AHRR: variants seen among roughly 807,000 people sequenced by gnomAD.
AHRR encodes the protein aryl hydrocarbon receptor repressor.
AHRR carries 28 observed loss-of-function variants against 44.0 expected under a neutral mutation model. The observed-to-expected ratio is 0.64, with a 90% CI of 0.47 to 0.87. The LOEUF (loss-of-function observed/expected upper bound fraction) is 0.87, where lower values mean the gene tolerates loss of function less well. Ranked by LOEUF, AHRR falls within the 40% of genes least tolerant of loss-of-function variation. The pLI, the probability that AHRR is intolerant of heterozygous loss-of-function variation, is 0.00. For missense variants in AHRR, 990 were observed against 953.9 expected, an observed-to-expected ratio of 1.04 and a Z score of -0.50; for synonymous variants, 434 against 407.0, an observed-to-expected ratio of 1.07 and a Z score of -0.80.
intron 5 of AHRR, chr5:421,486 T>C (rs1579699470): frequency 4.1e-6 from 2 of 486,690 alleles, no homozygotes; most frequent in Non-Finnish European, 7.3e-6. Flanking sequence ...CCGCGGGGTG[T>C]TTTCTTGAAG....
rs892581025 is a variant in AHRR, at chr5:388,918, C to T, written c.351+12202C>T. On this transcript the variant is annotated intron_variant, in intron 4 of 10. Coordinates refer to ENST00000684583, the MANE Select transcript of AHRR (RefSeq NM_001377236.1). The surrounding 1 kb of genome is among the most constrained non-coding windows in gnomAD (Gnocchi z 5.2). The stretch of plus-strand genomic sequence containing the variant: ...GCGGAGGGTTTCCGCCGGTGCCTCG[C>T]ACAGGAGAGAAGATGGAGCCGAGTG... Among the ~76,000 whole-genome samples the T allele has an allele frequency of 2.0e-5, 3 of 152,126 alleles. No individual in the cohort carries two copies. The highest frequency in any genetic ancestry group is 4.4e-5 in the Non-Finnish European group (3 of 68,010).
intron 1 of AHRR, among the ~76,000 whole-genome samples, chr5:335,237 T>C (rs1345079784): frequency 6.6e-6 from 1 of 152,156 alleles, no homozygotes; most frequent in African/African-American, 2.4e-5. Context: ...GCAGGCTTCC[T>C]AGTTTTTGGG....
intron 7 of AHRR, 111 bp from the exon 8 acceptor site, chr5:427,695 GC>G: frequency 6.2e-7 from 1 of 1,613,980 alleles, no homozygotes; most frequent in South Asian, 1.1e-5. Flanking sequence ...CTCATGGTGA[GC>G]TGCCTCCCTA....
Position 348,738 on chromosome 5 carries a change from A to G in AHRR, c.62+4774A>G, listed in dbSNP as rs552790414. Among the ~76,000 whole-genome samples, 10 of 152,298 alleles carry G rather than the reference A, an allele frequency of 6.6e-5. 1 individual carries two copies. Among genetic ancestry groups the G allele is most frequent in the African/African-American group, 2.4e-4 (10 of 41,574 alleles). On this transcript the variant is annotated intron_variant, in intron 2 of 10. Transcript: ENST00000684583. ...TTGTATGGATAGACCAAGTCTGTTT[A>G]TTTACCTGTGGATGGAAGTTCAGGT...
intron 3 of AHRR, 58 bp from the exon 4 acceptor site, chr5:376,552 A>ACGCGGGGAAACACAGGAAGGATGT: frequency 7.2e-7 from 1 of 1,397,072 alleles, no homozygotes; most frequent in Non-Finnish European, 9.7e-7. Flanking sequence ...ATGTGAATGA[A>ACGCGGGGAAACACAGGAAGGATGT]GAAGAGTGGC....
intron 3 of AHRR, among the ~76,000 whole-genome samples, chr5:369,154 T>A (rs1231674549): frequency 3.3e-5 from 5 of 152,228 alleles, no homozygotes; most frequent in Non-Finnish European, 7.3e-5. Flanking sequence ...GACCCCCTTC[T>A]GACTTGCTGC....
intron 3 of AHRR, 43 bp from the exon 4 acceptor site, chr5:376,567 C>G: frequency 4.8e-6 from 1 of 208,218 alleles, no homozygotes; most frequent in Non-Finnish European, 8.3e-6. Flanking sequence ...AGTGGCCAGG[C>G]CAAGGGTTGG....
intron 4 of AHRR, among the ~76,000 whole-genome samples, chr5:379,150 G>T (rs940630696): frequency 2.0e-5 from 3 of 152,194 alleles, no homozygotes; most frequent in Non-Finnish European, 4.4e-5. Context: ...CATGGCCTTT[G>T]GAGGCCAGCT....
chr5:434,649 CG>C lies in AHRR; in HGVS notation c.1913del (p.Gly638AlafsTer128). The C allele has an allele frequency of 6.4e-7, 1 of 1,563,782 alleles. No homozygotes were observed. The highest frequency in any genetic ancestry group is 8.7e-7 in the Non-Finnish European group (1 of 1,154,160). ...GGAGCCTCCCCACCAGCTCTGTGCACGGGGCCGAGGTGAACAGTCCTGCACC... is the reference window on the plus strand; with the variant it reads ...GGAGCCTCCCCACCAGCTCTGTGCACGGGCCGAGGTGAACAGTCCTGCACC... ...QSEPPHQLCA[R>X]GRGEQSCTCR... On this transcript the variant is annotated frameshift_variant, in exon 11 of 11. Transcript: ENST00000684583.
At position 403,856 on chromosome 5, in the gene AHRR, ACAT is replaced by A. The variant is rs1735139196; in HGVS notation, c.352-9487_352-9485del. On this transcript the variant is annotated intron_variant, in intron 4 of 10. Coordinates refer to ENST00000684583, the MANE Select transcript of AHRR (RefSeq NM_001377236.1). Reference sequence around the variant, plus strand: ...TTTTTGCTCAAAGGACAAAGAACCCACATTAAAGCTTTTCCTCCTTGAACAGCT... The same window carrying A: ...TTTTTGCTCAAAGGACAAAGAACCCATAAAGCTTTTCCTCCTTGAACAGCT... 6 of 1,581,164 alleles carry A rather than the reference ACAT, an allele frequency of 3.8e-6. No homozygotes were observed. The East Asian group carries it at 1.3e-4, about 35-fold the overall frequency.
intron 1 of AHRR, among the ~76,000 whole-genome samples, chr5:335,189 C>T (rs761304764): frequency 4.6e-5 from 7 of 152,156 alleles, no homozygotes; most frequent in Non-Finnish European, 8.8e-5. Context: ...GTGGCTTTCT[C>T]AGAAGCTAGT....
chr5:366,477 T>G (rs1743364963), intron 3 of AHRR, among the ~76,000 whole-genome samples: 1 of 152,266 alleles, frequency 6.6e-6, no homozygotes, highest in Admixed American at 6.5e-5. Flanking sequence ...ACAGGCTAAT[T>G]AATGGCTATA....
intron 3 of AHRR, among the ~76,000 whole-genome samples, chr5:355,412 TC>T (rs1337958658): frequency 5.9e-5 from 9 of 152,108 alleles, no homozygotes; most frequent in African/African-American, 1.2e-4. Context: ...CAGAGGGCAG[TC>T]CCCGTGTCTG....
chr5:392,418 C>G (rs1231321820), intron 4 of AHRR, among the ~76,000 whole-genome samples: 1 of 114,058 alleles, frequency 8.8e-6, no homozygotes, highest in Non-Finnish European at 1.8e-5. Flanking sequence ...AGAGCGTGCA[C>G]GAACACACGG....
chr5:360,071 C>T (rs889900507), intron 3 of AHRR, among the ~76,000 whole-genome samples: 3 of 151,894 alleles, frequency 2.0e-5, no homozygotes, highest in African/African-American at 4.8e-5. Context: ...CCAGTGTGGC[C>T]GTATTTGTAG....
chr5:422,877 A>C lies in AHRR; in HGVS notation c.571+19A>C. 1 of 1,601,248 alleles carries C rather than the reference A, an allele frequency of 6.2e-7. No homozygotes were observed. Among genetic ancestry groups the C allele is most frequent in the Non-Finnish European group, 8.5e-7 (1 of 1,173,662 alleles). ...GAGACAGGTGGGTGTCTGGGGTCCA[A>C]GTGAGTCAGCAAAACCTAAAGCAGG... On this transcript the variant is annotated intron_variant, in intron 6 of 10. Coordinates refer to ENST00000684583, the MANE Select transcript of AHRR (RefSeq NM_001377236.1).
chr5:435,128 C>G lies in AHRR; in HGVS notation c.*294C>G. 1 of 399,660 alleles carries G rather than the reference C, an allele frequency of 2.5e-6. No individual in the cohort carries two copies. Among genetic ancestry groups the G allele is most frequent in the South Asian group, 4.2e-5 (1 of 24,044 alleles). 24.8% of individuals were successfully genotyped at this position (399,660 alleles called of 1,614,324 possible). On this transcript the variant is annotated 3_prime_UTR_variant, in exon 11 of 11. Coordinates refer to ENST00000684583, the MANE Select transcript of AHRR (RefSeq NM_001377236.1). ...GAAAGTGATCATGGCTGGACAGCTT[C>G]ATGCCCCAGAGGCAGCGAGCACCCG...
In AHRR at chr5:349,579, CAA is replaced by C. The variant is rs35232794; in HGVS notation, c.63-4138_63-4137del. ...TGGGTGACAGAGTGAGACTCCGTCT[CAA>C]AAAAAAAAAAAAGAAGAAAGAAAAT... On this transcript the variant is annotated intron_variant, in intron 2 of 10. Transcript: ENST00000684583. 3.1e-3 allele frequency among the ~76,000 whole-genome samples: 407 copies of C among 129,536 alleles called. 1 individual carries two copies. Among genetic ancestry groups the C allele is most frequent in the Middle Eastern group, 0.022 (5 of 232 alleles). The allele number at this position is 129,536 out of a possible 152,430, so 85.0% of individuals were successfully genotyped here.
chr5:379,172 AGTGCTGTTGAGATTTGCTCACG>A (rs887847580), intron 4 of AHRR, among the ~76,000 whole-genome samples: 14 of 152,274 alleles, frequency 9.2e-5, no homozygotes, highest in South Asian at 2.1e-4. Context: ...CAGTCAGCAC[AGTGCTGTTGAGATTTGCTCACG>A]GTGCTGCGGG....
Sources: allele counts gnomAD v4.1 joint callset (sites outside exome capture counted in the v4.1 genomes callset), GRCh38; gene constraint gnomAD v4.1.1; non-coding constraint Gnocchi (gnomAD v3.1); transcripts MANE v1.5; gene names NCBI Gene and HGNC (gene_info 2026-07-23, HGNC 2026-07-21).